ADAD2: variants seen among roughly 807,000 people sequenced by gnomAD.
The protein encoded by ADAD2 is adenosine deaminase domain-containing protein 2.
A neutral mutation model predicts 54.5 loss-of-function variants in ADAD2; 60 were observed. The observed-to-expected ratio is 1.10, with a 90% confidence interval of 0.89 to 1.36. The LOEUF is 1.36. Ranked by LOEUF, ADAD2 falls within the 40% of genes most tolerant of loss-of-function variation. The probability of loss-of-function intolerance (pLI) is 0.00; values close to 1 mark genes in which losing one functional copy is unlikely to be tolerated. For missense variants in ADAD2, 1,103 were observed against 801.3 expected, an observed-to-expected ratio of 1.38 and a Z score of -4.54; for synonymous variants, 543 against 366.2, an observed-to-expected ratio of 1.48 and a Z score of -5.51.
intron 1 of ADAD2, among the ~76,000 whole-genome samples, chr16:84,192,380 G>A (rs8050617): frequency 0.48 from 72,787 of 151,946 alleles, 19,047 homozygotes; most frequent in African/African-American, 0.7. Flanking sequence ...GAAGTCCTGG[G>A]CTCCAGCTAT....
intron 1 of ADAD2, among the ~76,000 whole-genome samples, chr16:84,192,169 G>C (rs1453864337): frequency 6.6e-6 from 1 of 152,106 alleles, no homozygotes; most frequent in Non-Finnish European, 1.5e-5. Context: ...TTTTGAGACA[G>C]GGTCTTACTC....
At chr16:84,193,839 G>C (rs1415984618) in intron 1 of ADAD2, 2 of 678,672 alleles carry the variant, frequency 2.9e-6, no homozygotes, top group Non-Finnish European at 4.8e-6. Flanking sequence ...GCTGAAATGG[G>C]TTCCCTTCCA....
chr16:84,194,775 C>A, intron 2 of ADAD2, 158 bp from the exon 3 acceptor site: 1 of 1,263,338 alleles, frequency 7.9e-7, no homozygotes, highest in Non-Finnish European at 1.1e-6. Context: ...CTTTCACGTC[C>A]TCTGGGGACA....
rs748469619 is a variant in ADAD2, at chr16:84,191,302, G to C, written c.72G>C (p.Gln24His). 3.1e-6 allele frequency: 5 copies of C among 1,598,058 alleles called. No individual in the cohort carries two copies. Among genetic ancestry groups the C allele is most frequent in the Admixed American group, 1.7e-5 (1 of 59,272 alleles). The change falls in exon 1 of 10, where the codon CAG becomes CAC. Residue 24 changes from glutamine to histidine, a missense_variant. Gln to His is a conservative substitution (Grantham distance 24, BLOSUM62 0). Coordinates refer to ENST00000315906, the MANE Select transcript of ADAD2 (RefSeq NM_001145400.2). ...AGCCCCGCCTGGCTGCATCGTTGCA[G>C]ATCAGCCCCCAGCCCCGCCCCTGGC... ...RRKPRLAASL[Q>H]ISPQPRPWRP... is the part of the protein sequence containing the mutation.
In ADAD2 at chr16:84,195,549, C is replaced by T. The variant is rs760330356; in HGVS notation, c.904C>T (p.Leu302=). The change falls in exon 6 of 10, where the codon CTG becomes TTG. Residue 302 remains leucine, a synonymous_variant. Transcript: ENST00000315906. ...ALLRFLFRQL[L]LATQGGPKGK... ...TCCTAGGTTCTTGTTCCGGCAGCTC[C>T]TGCTGGCCACACAGGGGGGCCCCAA... 20 of 1,598,052 alleles carry T rather than the reference C, an allele frequency of 1.3e-5. No individual in the cohort carries two copies. The highest frequency in any genetic ancestry group is 1.2e-4 in the African/African-American group (9 of 74,506).
Position 84,194,147 on chromosome 16 carries a change from C to A in ADAD2, c.419-295C>A, listed in dbSNP as rs761809635. The A allele has an allele frequency of 4.6e-5, 74 of 1,611,920 alleles. 1 individual carries two copies. The highest frequency in any genetic ancestry group is 4.2e-6 in the Non-Finnish European group (5 of 1,179,058). On this transcript the variant is annotated intron_variant, in intron 1 of 9. Coordinates refer to ENST00000315906, the MANE Select transcript of ADAD2 (RefSeq NM_001145400.2). ...GGGGACCTGGATTTGGGTCCTGACT[C>A]AAGTTGGGCAAACCGCCTGCCGTTT... is the stretch of plus-strand genomic sequence containing the variant.
At chr16:84,194,141 C>G (rs774852165) in intron 1 of ADAD2, 1 of 1,613,110 alleles carries the variant, frequency 6.2e-7, no homozygotes, top group Admixed American at 1.7e-5. Flanking sequence ...GATTTGGGTC[C>G]TGACTCAAGT....
In ADAD2 at chr16:84,196,315, C is replaced by A. The variant is rs773713525; in HGVS notation, c.1471C>A (p.Leu491Met). ...TCRGLSLNWS[L>M]GDPGIEVVDV... ...CCGTGGCCTGAGCCTCAACTGGAGC[C>A]TGGGGGACCCTGGCATCGAGGTTGT... Residue 491 changes from leucine to methionine, a missense_variant, in exon 8 of 10, where the codon CTG becomes ATG. Physicochemically the swap from Leu to Met is conservative, Grantham distance 15. Coordinates refer to ENST00000315906, the MANE Select transcript of ADAD2 (RefSeq NM_001145400.2). The A allele has an allele frequency of 1.2e-5, 20 of 1,612,856 alleles. No homozygotes were observed. In the African/African-American group the frequency reaches 2.7e-4, roughly 22 times the overall value.
In ADAD2 at chr16:84,195,704, A is replaced by C. The variant is rs1172718716; in HGVS notation, c.1052+7A>C. On this transcript the variant is annotated splice_region_variant and intron_variant, in intron 6 of 9. Transcript: ENST00000315906. ...GCGCGGCCCGTGACATCTAGTATGC[A>C]GGGCCCCCGGGGCAGGCGGGGGATG... is the stretch of plus-strand genomic sequence containing the variant. 10 of 1,537,024 alleles carry C rather than the reference A, an allele frequency of 6.5e-6. No homozygotes were observed. Among genetic ancestry groups the C allele is most frequent in the Non-Finnish European group, 8.7e-6 (10 of 1,144,084 alleles).
intron 1 of ADAD2, chr16:84,192,015 C>T (rs2089663123): frequency 2.4e-6 from 1 of 408,868 alleles, no homozygotes; most frequent in African/African-American, 2.0e-5. Context: ...GAGCCACTCC[C>T]CTGACTTAAA....
chr16:84,191,164 C>T lies in ADAD2; in HGVS notation c.-67C>T, dbSNP rs1282793418. The T allele has an allele frequency of 1.3e-6, 2 of 1,552,510 alleles. No individual in the cohort carries two copies. Among genetic ancestry groups the T allele is most frequent in the African/African-American group, 1.4e-5 (1 of 72,652 alleles). On this transcript the variant is annotated 5_prime_UTR_variant, in exon 1 of 10. Coordinates refer to ENST00000315906, the MANE Select transcript of ADAD2 (RefSeq NM_001145400.2). ...TGCTCCCCACGTGAAGGCACCCGCC[C>T]TGCGCGTGTGAAAGGGCGAGAGCAG...
chr16:84,194,487 T>C lies in ADAD2; in HGVS notation c.464T>C (p.Val155Ala), dbSNP rs1371079051. 6.2e-7 allele frequency: 1 copy of C among 1,611,292 alleles called. No individual in the cohort carries two copies. The highest frequency in any genetic ancestry group is 8.5e-7 in the Non-Finnish European group (1 of 1,179,734). ...FSVSAELDGV[V>A]CPAGTANSKT... is the part of the protein sequence containing the mutation. ...GTGAGCGCGGAACTGGATGGGGTGGTCTGCCCTGCGGGCACTGCGAATAGC... is the reference window on the plus strand; with the variant it reads ...GTGAGCGCGGAACTGGATGGGGTGGCCTGCCCTGCGGGCACTGCGAATAGC... The change falls in exon 2 of 10, where the codon GTC becomes GCC. Residue 155 changes from valine (V) to alanine (A), a missense_variant. By Grantham distance (64) the Val-to-Ala change is moderately conservative. Coordinates refer to ENST00000315906, the MANE Select transcript of ADAD2 (RefSeq NM_001145400.2).
intron 2 of ADAD2, 157 bp downstream of exon 2, chr16:84,194,739 G>T: frequency 7.3e-7 from 1 of 1,378,076 alleles, no homozygotes. Flanking sequence ...CAGGGAGCTG[G>T]GGCGGGGTAC....
chr16:84,194,610 G>A, intron 2 of ADAD2, 28 bp downstream of exon 2: 1 of 1,586,230 alleles, frequency 6.3e-7, no homozygotes, highest in South Asian at 1.1e-5. Flanking sequence ...AGGCAGCTGA[G>A]CCGCAGCTGG....
rs1007416049 is a variant in ADAD2 at position 84,194,296 on chromosome 16, G to T, written c.419-146G>T. On this transcript the variant is annotated intron_variant, in intron 1 of 9. Coordinates refer to ENST00000315906, the MANE Select transcript of ADAD2 (RefSeq NM_001145400.2). ...AAGGGTGTGCGCGGCATGGGGTGGC[G>T]ATGGAGCCTGCTGGAGGAAGGGAAG... The T allele has an allele frequency of 3.2e-6, 5 of 1,547,688 alleles. No homozygotes were observed. In the African/African-American group the frequency reaches 4.1e-5, roughly 13 times the overall value.
At chr16:84,191,952 G>A in intron 1 of ADAD2, 1 of 513,162 alleles carries the variant, frequency 1.9e-6, no homozygotes, top group East Asian at 3.6e-5. Flanking sequence ...CGTTTTTAGA[G>A]CCACTTACAT....
chr16:84,196,084 G>T (rs534709949), intron 7 of ADAD2, 40 bp downstream of exon 7: 13 of 1,599,488 alleles, frequency 8.1e-6, no homozygotes, highest in African/African-American at 1.3e-5. Flanking sequence ...AGAAGGGAGG[G>T]CAGGGAGGTC....
Position 84,195,659 on chromosome 16 carries a change from C to T in ADAD2, c.1014C>T (p.Tyr338=). ...TLKPRVFLHL[Y]ISNTPKGAAR... ...AGCCCCGCGTCTTCCTGCACCTCTA[C>T]ATCAGCAACACCCCCAAGGGCGCGG... Residue 338 remains tyrosine (Y), a synonymous_variant, in exon 6 of 10, where the codon TAC becomes TAT. Coordinates refer to ENST00000315906, the MANE Select transcript of ADAD2 (RefSeq NM_001145400.2). 6.3e-7 allele frequency: 1 copy of T among 1,587,816 alleles called. No individual in the cohort carries two copies. The highest frequency in any genetic ancestry group is 8.6e-7 in the Non-Finnish European group (1 of 1,169,356).
intron 1 of ADAD2, chr16:84,194,137 G>T: frequency 6.2e-7 from 1 of 1,613,232 alleles, no homozygotes; most frequent in Non-Finnish European, 8.5e-7. Context: ...CCTGGATTTG[G>T]GTCCTGACTC....
Sources: allele counts gnomAD v4.1 joint callset (sites outside exome capture counted in the v4.1 genomes callset), GRCh38; gene constraint gnomAD v4.1.1; transcripts MANE v1.5; gene names NCBI Gene and HGNC (gene_info 2026-07-23, HGNC 2026-07-21).